The following PPM1E variants were observed in gnomAD, a reference collection of about 807,000 sequenced individuals.
PPM1E encodes the protein protein phosphatase 1E.
Under a neutral mutation model 65.9 loss-of-function variants are expected in PPM1E, and 20 were observed. The ratio of observed to expected loss-of-function variants is 0.30; its 90% CI spans 0.21 to 0.44. PPM1E has a LOEUF of 0.44. Among genes scored for constraint, PPM1E ranks in the 20% least tolerant of loss-of-function variants. The pLI, the probability that PPM1E is intolerant of heterozygous loss-of-function variation, is 1.00. For synonymous variants in PPM1E, 352 were observed against 374.9 expected (o/e 0.94, Z 0.70); for missense variants, 713 against 953.1 (o/e 0.75, Z 3.32).
chr17:58,845,315 A>C (rs1452769564), intron 1 of PPM1E, among the ~76,000 whole-genome samples: 2 of 141,662 alleles, frequency 1.4e-5, no homozygotes, highest in Non-Finnish European at 1.5e-5. Flanking sequence ...TTTTTTTTTC[A>C]GTTTCTTTTA....
chr17:58,950,069 G>A (rs2052214556), intron 1 of PPM1E, among the ~76,000 whole-genome samples: 1 of 152,088 alleles, frequency 6.6e-6, no homozygotes, highest in African/African-American at 2.4e-5. Context: ...TTTACCTTTT[G>A]ACAATTTGAC....
At chr17:58,934,926 C>CAA (rs71145506) in intron 1 of PPM1E, among the ~76,000 whole-genome samples, 13 of 140,066 alleles carry the variant, frequency 9.3e-5, no homozygotes, top group Non-Finnish European at 1.4e-4. Context: ...GACTCCGTCT[C>CAA]AAAAAAAAAA....
intron 1 of PPM1E, among the ~76,000 whole-genome samples, chr17:58,949,304 A>G (rs1228969362): frequency 2.6e-5 from 4 of 152,190 alleles, no homozygotes; most frequent in Admixed American, 2.0e-4. Flanking sequence ...GCTGATATAA[A>G]TATAGCTTTT....
chr17:58,882,914 G>A (rs2051215655), intron 1 of PPM1E, among the ~76,000 whole-genome samples: 1 of 142,014 alleles, frequency 7.0e-6, no homozygotes, highest in Admixed American at 7.0e-5. Flanking sequence ...CCTCAACTTT[G>A]TCCTTCTCTT....
At chr17:58,816,719 T>TTGTG (rs1246729773) in intron 1 of PPM1E, among the ~76,000 whole-genome samples, 2 of 141,816 alleles carry the variant, frequency 1.4e-5, no homozygotes, top group Non-Finnish European at 3.0e-5. Context: ...TTCATGCATG[T>TTGTG]TGTAGCATGT....
At chr17:58,962,943 CCCAGGTGTGGTGG>C (rs2030081748) in intron 2 of PPM1E, among the ~76,000 whole-genome samples, 1 of 151,642 alleles carries the variant, frequency 6.6e-6, no homozygotes, top group South Asian at 2.1e-4. Flanking sequence ...TTTTAAATTA[CCCAGGTGTGGTGG>C]CATGCACCTG....
intron 1 of PPM1E, among the ~76,000 whole-genome samples, chr17:58,816,553 C>T (rs1241050313): frequency 6.6e-6 from 1 of 150,944 alleles, no homozygotes; most frequent in Non-Finnish European, 1.5e-5. Flanking sequence ...TCCATTTCTT[C>T]CTTCCCCCAT....
At chr17:58,787,588 G>C (rs1013684048) in intron 1 of PPM1E, among the ~76,000 whole-genome samples, 3 of 151,960 alleles carry the variant, frequency 2.0e-5, no homozygotes, top group African/African-American at 7.2e-5. Flanking sequence ...TAACCATACA[G>C]AAGTTGTTTC....
intron 1 of PPM1E, among the ~76,000 whole-genome samples, chr17:58,943,727 C>G (rs2052105991): frequency 6.6e-6 from 1 of 152,090 alleles, no homozygotes. Flanking sequence ...TGGATGGGGC[C>G]CAGCAATCTG....
At chr17:58,894,730 C>G (rs1256958770) in intron 1 of PPM1E, among the ~76,000 whole-genome samples, 1 of 151,898 alleles carries the variant, frequency 6.6e-6, no homozygotes, top group Non-Finnish European at 1.5e-5. Context: ...TATATTAAAC[C>G]ATTATAATTG....
At chr17:58,950,317 C>T (rs1434613710) in intron 1 of PPM1E, among the ~76,000 whole-genome samples, 1 of 152,146 alleles carries the variant, frequency 6.6e-6, no homozygotes, top group African/African-American at 2.4e-5. Flanking sequence ...CCGAAAATTG[C>T]ACCATTGCAC....
chr17:58,779,937 G>T (rs2050035271), intron 1 of PPM1E, among the ~76,000 whole-genome samples: 1 of 151,908 alleles, frequency 6.6e-6, no homozygotes, highest in Non-Finnish European at 1.5e-5. Context: ...TCATTCTTTT[G>T]TCTGCTGCAT....
At chr17:58,818,154 T>C (rs57017067) in intron 1 of PPM1E, among the ~76,000 whole-genome samples, 3,511 of 152,154 alleles carry the variant, frequency 0.023, 129 homozygotes, top group African/African-American at 0.08. Context: ...TTAATAGCAG[T>C]TAAGCATTAT....
chr17:58,830,683 T>A (rs985722783), intron 1 of PPM1E, among the ~76,000 whole-genome samples: 3 of 151,996 alleles, frequency 2.0e-5, no homozygotes, highest in Non-Finnish European at 4.4e-5. Flanking sequence ...TATTTTTTTT[T>A]ATTTTTTATT....
At chr17:58,824,606 T>C (rs2050513613) in intron 1 of PPM1E, among the ~76,000 whole-genome samples, 2 of 151,792 alleles carry the variant, frequency 1.3e-5, no homozygotes, top group Non-Finnish European at 2.9e-5. Flanking sequence ...TTTTTTTTTT[T>C]TGAGACGGAG....
chr17:58,862,388 CT>C (rs1200048961), intron 1 of PPM1E, among the ~76,000 whole-genome samples: 2 of 152,144 alleles, frequency 1.3e-5, no homozygotes, highest in African/African-American at 4.8e-5. Flanking sequence ...GATTATTTGT[CT>C]GGTAAGATGA....
intron 1 of PPM1E, among the ~76,000 whole-genome samples, chr17:58,880,030 A>G (rs951891189): frequency 2.0e-5 from 3 of 152,230 alleles, no homozygotes; most frequent in Admixed American, 6.5e-5. Context: ...CTGAAGACCC[A>G]AAGAAGCAGT....
chr17:58,864,235 G>A (rs924901431), intron 1 of PPM1E, among the ~76,000 whole-genome samples: 9 of 152,174 alleles, frequency 5.9e-5, no homozygotes, highest in African/African-American at 2.2e-4. Flanking sequence ...ATAAATATTA[G>A]CAGTTATTTC....
At chr17:58,977,370 G>C (rs2031069300) in intron 6 of PPM1E, among the ~76,000 whole-genome samples, 1 of 151,516 alleles carries the variant, frequency 6.6e-6, no homozygotes, top group African/African-American at 2.4e-5. Context: ...TTGAATCCGG[G>C]AGGTGGAGGT....
Sources: allele counts gnomAD v4.1 joint callset (sites outside exome capture counted in the v4.1 genomes callset), GRCh38; gene constraint gnomAD v4.1.1; transcripts MANE v1.5; gene names NCBI Gene and HGNC (gene_info 2026-07-23, HGNC 2026-07-21).